NDUFS7: variants seen among roughly 807,000 people sequenced by gnomAD.
NDUFS7 encodes NADH:ubiquinone oxidoreductase core subunit S7.
NDUFS7 carries 11 observed loss-of-function variants against 31.1 expected under a neutral mutation model. The ratio of observed to expected loss-of-function variants is 0.35; its 90% CI spans 0.22 to 0.59. The LOEUF (loss-of-function observed/expected upper bound fraction) is 0.59, where lower values mean the gene tolerates loss of function less well. Ranked by LOEUF, NDUFS7 falls within the 20% of genes least tolerant of loss-of-function variation. NDUFS7 has a pLI of 0.79. For synonymous variants in NDUFS7, 136 were observed against 127.9 expected (o/e 1.06, Z -0.43); for missense variants, 263 against 324.2 (o/e 0.81, Z 1.45).
chr19:1,388,009 C>G lies in NDUFS7; in HGVS notation c.53+162C>G. ...GGTCTGCACGCTGCCCGTGATGTGC[C>G]GGGACCCTCCCTGGGACAGTCCACG... On this transcript the variant is annotated intron_variant, in intron 2 of 7. Transcript: ENST00000233627. 5.4e-6 allele frequency: 4 copies of G among 737,146 alleles called. 1 individual carries two copies. Among genetic ancestry groups the G allele is most frequent in the South Asian group, 3.2e-5 (2 of 62,644 alleles). The allele number at this position is 737,146 out of a possible 1,614,324, so 45.7% of individuals were successfully genotyped here.
At chr19:1,389,112 C>A in intron 4 of NDUFS7, 174 bp downstream of exon 4, 1 of 716,944 alleles carries the variant, frequency 1.4e-6, no homozygotes, top group South Asian at 1.5e-5. Context: ...TGTACACGGA[C>A]CACACGCACA....
rs1186803357 is a variant in NDUFS7, at chr19:1,384,139, C to T, written c.16+197C>T. ...GCCGTTATTGCGTCCAGAGTACAGT[C>T]GGGGAAACCGAGGCCCGGTAGGTCA... On this transcript the variant is annotated intron_variant, in intron 1 of 7. Transcript: ENST00000233627. 7 of 610,086 alleles carry T rather than the reference C, an allele frequency of 1.1e-5. No homozygotes were observed. In the Admixed American group the frequency reaches 1.2e-4, roughly 11 times the overall value. 37.8% of individuals were successfully genotyped at this position (610,086 alleles called of 1,614,324 possible).
chr19:1,391,368 C>A (rs906622218), intron 6 of NDUFS7, among the ~76,000 whole-genome samples: 1 of 152,182 alleles, frequency 6.6e-6, no homozygotes, highest in Non-Finnish European at 1.5e-5. Context: ...TCCCATCCAC[C>A]CCCACGCAGC....
At chr19:1,388,670 G>A (rs533688474) in intron 3 of NDUFS7, 77 bp downstream of exon 3, 40 of 1,480,810 alleles carry the variant, frequency 2.7e-5, no homozygotes, top group East Asian at 1.2e-4. Flanking sequence ...CATCAGTGCC[G>A]CAGCCACTGA....
chr19:1,395,423 G>C lies in NDUFS7; in HGVS notation c.577G>C (p.Gly193Arg), dbSNP rs1464495409. ...CPPTAEALLY[G>R]ILQLQRKIKR... ...ACCTACGGCCGAGGCCCTGCTCTAC[G>C]GCATCCTGCAGCTGCAGAGGAAGAT... is the stretch of plus-strand genomic sequence containing the variant. The change falls in exon 8 of 8, where the codon GGC (glycine) becomes CGC (arginine). Residue 193 changes from glycine (G) to arginine (R), a missense_variant. Coordinates refer to ENST00000233627, the MANE Select transcript of NDUFS7 (RefSeq NM_024407.5). 7 of 1,602,752 alleles carry C rather than the reference G, an allele frequency of 4.4e-6. No individual in the cohort carries two copies. Among genetic ancestry groups the C allele is most frequent in the Non-Finnish European group, 6.0e-6 (7 of 1,176,350 alleles).
intron 1 of NDUFS7, among the ~76,000 whole-genome samples, chr19:1,385,852 C>T (rs1869846803): frequency 6.6e-6 from 1 of 152,040 alleles, no homozygotes; most frequent in Admixed American, 6.6e-5. Context: ...AAACCCTGAC[C>T]CAGAGGCACA....
At chr19:1,384,657 C>T (rs1350039669) in intron 1 of NDUFS7, among the ~76,000 whole-genome samples, 1 of 152,118 alleles carries the variant, frequency 6.6e-6, no homozygotes, top group Non-Finnish European at 1.5e-5. Flanking sequence ...CTAATTGCGA[C>T]TGTGATTTGG....
chr19:1,391,286 G>T (rs1037386000), intron 6 of NDUFS7, 121 bp downstream of exon 6: 2 of 1,302,864 alleles, frequency 1.5e-6, no homozygotes, highest in South Asian at 2.5e-5. Context: ...TGGTCCCGGC[G>T]CTGCCCTTCA....
rs185587837 is a variant in NDUFS7 at position 1,393,751 on chromosome 19, C to T, written c.544+421C>T. Reference sequence around the variant, plus strand: ...GGTGGCCGGATTTGGCAAATGAAAACGTGGGAGGCTTAGTTTGACTGTGAG... The same window carrying T: ...GGTGGCCGGATTTGGCAAATGAAAATGTGGGAGGCTTAGTTTGACTGTGAG... On this transcript the variant is annotated intron_variant, in intron 7 of 7. Coordinates refer to ENST00000233627, the MANE Select transcript of NDUFS7 (RefSeq NM_024407.5). This position sits in a 1 kb window ranked among gnomAD's most constrained non-coding sequence, Gnocchi z 7.3. 12 of 492,438 alleles carry T rather than the reference C, an allele frequency of 2.4e-5. No individual in the cohort carries two copies. The highest frequency in any genetic ancestry group is 3.8e-5 in the African/African-American group (2 of 52,068). 30.5% of individuals were successfully genotyped at this position (492,438 alleles called of 1,614,324 possible).
At chr19:1,389,288 C>G (rs78136534) in intron 4 of NDUFS7, 1 of 578,232 alleles carries the variant, frequency 1.7e-6, no homozygotes, top group Admixed American at 2.2e-5. Context: ...CTCGCACACA[C>G]GTGCACATAT....
At position 1,387,834 on chromosome 19, in the gene NDUFS7, A is replaced by T. The variant is rs768571933; in HGVS notation, c.40A>T (p.Ile14Phe). ...LSAPGLRGFR[I>F]LGLRSSVGPA... ...AGCTCCTGGCCTGCGCGGCTTCCGG[A>T]TCCTTGGTCTGCGGTGAGTGCCTGA... is the stretch of plus-strand genomic sequence containing the variant. Residue 14 changes from isoleucine to phenylalanine, a missense_variant, in exon 2 of 8, where the codon ATC becomes TTC. Transcript: ENST00000233627. 1 of 1,591,694 alleles carries T rather than the reference A, an allele frequency of 6.3e-7. No individual in the cohort carries two copies. Among genetic ancestry groups the T allele is most frequent in the East Asian group, 2.3e-5 (1 of 43,400 alleles).
chr19:1,395,276 C>G, intron 7 of NDUFS7, 115 bp from the exon 8 acceptor site: 1 of 1,487,100 alleles, frequency 6.7e-7, no homozygotes, highest in Non-Finnish European at 9.0e-7. Context: ...GGCTGTCAGC[C>G]TCCACCTTCA....
At position 1,395,153 on chromosome 19, in the gene NDUFS7, C is replaced by A. The variant is rs139246387; in HGVS notation, c.545-238C>A. On this transcript the variant is annotated intron_variant, in intron 7 of 7. Transcript: ENST00000233627. ...TGTCCGAGAGGTCCCTGTGACAGCCCGGGATGAGCCACGGGTGGAGGGCAG... is the reference window on the plus strand; with the variant it reads ...TGTCCGAGAGGTCCCTGTGACAGCCAGGGATGAGCCACGGGTGGAGGGCAG... 3 of 1,407,216 alleles carry A rather than the reference C, an allele frequency of 2.1e-6. No homozygotes were observed. The East Asian group carries it at 7.9e-5, about 37-fold the overall frequency. 87.2% of individuals were successfully genotyped at this position (1,407,216 alleles called of 1,614,324 possible).
chr19:1,390,338 G>A (rs986879254), intron 4 of NDUFS7: 7 of 192,748 alleles, frequency 3.6e-5, no homozygotes, highest in South Asian at 9.6e-5. Context: ...CCTGTCACCC[G>A]CCAACACATG....
intron 2 of NDUFS7, 160 bp from the exon 3 acceptor site, chr19:1,388,365 C>T (rs1262352932): frequency 5.7e-6 from 4 of 701,360 alleles, no homozygotes; most frequent in African/African-American, 3.5e-5. Flanking sequence ...GGGCGATGGC[C>T]GCATGGCTCC....
intron 1 of NDUFS7, 32 bp downstream of exon 1, chr19:1,383,974 C>G (rs766632492): frequency 6.4e-7 from 1 of 1,554,752 alleles, no homozygotes; most frequent in South Asian, 1.2e-5. Context: ...GGTGTGGGGC[C>G]GCGCGGGTCT....
At chr19:1,391,225 G>GC in intron 6 of NDUFS7, 60 bp downstream of exon 6, 1 of 1,569,802 alleles carries the variant, frequency 6.4e-7, no homozygotes. Context: ...GCCTGGCCGT[G>GC]CCCTGATGGC....
chr19:1,387,914 G>A (rs575175431), intron 2 of NDUFS7, 67 bp downstream of exon 2: 12 of 405,650 alleles, frequency 3.0e-5, no homozygotes, highest in South Asian at 8.5e-5. Flanking sequence ...AACGGGGCGG[G>A]GGGGGTGGGG....
intron 4 of NDUFS7, 56 bp from the exon 5 acceptor site, chr19:1,390,815 C>T (rs929992267): frequency 2.7e-5 from 42 of 1,575,990 alleles, no homozygotes; most frequent in African/African-American, 1.1e-4. Context: ...TGGAGTCTCA[C>T]GCTGGGCCAC....
Sources: allele counts gnomAD v4.1 joint callset (sites outside exome capture counted in the v4.1 genomes callset), GRCh38; gene constraint gnomAD v4.1.1; non-coding constraint Gnocchi (gnomAD v3.1); transcripts MANE v1.5; gene names NCBI Gene and HGNC (gene_info 2026-07-23, HGNC 2026-07-21).